Variants in GUSB observed in about 807,000 individuals in gnomAD.
GUSB encodes the protein beta-glucuronidase.
GUSB carries 51 observed loss-of-function variants against 74.6 expected under a neutral mutation model. That is an observed-to-expected ratio of 0.68 (90% CI 0.55 to 0.86). GUSB has a LOEUF of 0.86. Among genes scored for constraint, GUSB ranks in the 40% least tolerant of loss-of-function variants. The pLI is 0.00. For synonymous variants in GUSB, 360 were observed against 348.3 expected (o/e 1.03, Z -0.37); for missense variants, 736 against 853.7 (o/e 0.86, Z 1.72).
At chr7:65,975,105 C>T (rs934983711) in intron 5 of GUSB, 34 bp from the exon 6 acceptor site, 11 of 1,608,402 alleles carry the variant, frequency 6.8e-6, no homozygotes, top group Middle Eastern at 2.0e-4. Context: ...GTGAGCACCC[C>T]GACAGCCTGA....
At chr7:65,971,370 T>C (rs1791198908) in intron 8 of GUSB, among the ~76,000 whole-genome samples, 1 of 152,106 alleles carries the variant, frequency 6.6e-6, no homozygotes, top group South Asian at 2.1e-4. Flanking sequence ...TTTGGGAGTT[T>C]TACCAGAGAC....
chr7:65,982,062 A>G lies in GUSB; in HGVS notation c.122T>C (p.Leu41Pro). ...GGCGCGGAAGCTCCAGAGGCCGTCCAGCTCCTTGCACTCCCGCGACGGGCT... is the reference window on the plus strand; with the variant it reads ...GGCGCGGAAGCTCCAGAGGCCGTCCGGCTCCTTGCACTCCCGCGACGGGCT... ...QESPSRECKE[L>P]DGLWSFRADF... Residue 41 changes from leucine to proline, a missense_variant, in exon 1 of 12, where the codon CTG (leucine) becomes CCG (proline). Physicochemically the swap from Leu to Pro is moderately conservative, Grantham distance 98. This residue lies in a region of GUSB where 368 missense variants were observed against 363.8 expected (regional missense o/e 1.01). Transcript: ENST00000304895. The G allele has an allele frequency of 6.2e-7, 1 of 1,610,032 alleles. No individual in the cohort carries two copies. Among genetic ancestry groups the G allele is most frequent in the Non-Finnish European group, 8.5e-7 (1 of 1,178,932 alleles).
At chr7:65,980,960 A>G in intron 1 of GUSB, 1 of 202,384 alleles carries the variant, frequency 4.9e-6, no homozygotes, top group Non-Finnish European at 1.0e-5. Flanking sequence ...GCCTGATGTC[A>G]TGTCCTGTCC....
chr7:65,964,187 A>G (rs1173409099), intron 11 of GUSB, 136 bp downstream of exon 11: 3 of 870,606 alleles, frequency 3.4e-6, no homozygotes, highest in South Asian at 1.3e-5. Context: ...AAAATTCTCA[A>G]CGCAACCTAC....
At chr7:65,973,826 G>A (rs1791377672) in intron 8 of GUSB, among the ~76,000 whole-genome samples, 1 of 152,126 alleles carries the variant, frequency 6.6e-6, no homozygotes, top group Non-Finnish European at 1.5e-5. Context: ...AGCTACTTGG[G>A]AGGCTGAGAC....
rs1470408298 is a variant in GUSB, at chr7:65,971,051, C to A, written c.1392-685G>T. On this transcript the variant is annotated intron_variant, in intron 8 of 11. Coordinates refer to ENST00000304895, the MANE Select transcript of GUSB (RefSeq NM_000181.4). ...ACCCCCATCTCCGAATCCTATACCC[C>A]CAGAGGAGCAGCCACTCTTCCAGGT... 2.6e-5 allele frequency among the ~76,000 whole-genome samples: 4 copies of A among 152,146 alleles called. 1 individual carries two copies. Among genetic ancestry groups the A allele is most frequent in the African/African-American group, 9.7e-5 (4 of 41,426 alleles).
rs116487019 is a variant in GUSB, at chr7:65,969,736, G to A, written c.1476+546C>T. 1.9e-3 allele frequency among the ~76,000 whole-genome samples: 287 copies of A among 152,276 alleles called. 3 individuals are homozygous for A. Among genetic ancestry groups the A allele is most frequent in the African/African-American group, 6.7e-3 (277 of 41,556 alleles). ...AAAAACTCAAGTTCCAACCCTGGAC[G>A]TACTAAATCAGGACCTCAGAATGCA... is the stretch of plus-strand genomic sequence containing the variant. On this transcript the variant is annotated intron_variant, in intron 9 of 11. Transcript: ENST00000304895.
In GUSB at chr7:65,979,484, T is replaced by C; in HGVS notation, c.639A>G (p.Gly213=). 1 of 1,613,882 alleles carries C rather than the reference T, an allele frequency of 6.2e-7. No homozygotes were observed. The change falls in exon 4 of 12, where the codon GGA becomes GGG. Residue 213 remains glycine (G), a synonymous_variant. Coordinates refer to ENST00000304895, the MANE Select transcript of GUSB (RefSeq NM_000181.4). ...TGTACAGAAGTACAGACCGCTGCAGTCCAGCGTAGTTGAAAAAGTCAAAAT... is the reference window on the plus strand; with the variant it reads ...TGTACAGAAGTACAGACCGCTGCAGCCCAGCGTAGTTGAAAAAGTCAAAAT... The part of the protein sequence containing the change: ...NTYFDFFNYA[G]LQRSVLLYTT...
At chr7:65,980,185 G>GCGC in intron 2 of GUSB, 39 bp downstream of exon 2, 99 of 725,260 alleles carry the variant, frequency 1.4e-4, no homozygotes, top group South Asian at 5.2e-4. Flanking sequence ...CAGCAGCCGT[G>GCGC]CCCCCCCACC....
At position 65,981,142 on chromosome 7, in the gene GUSB, G is replaced by A. The variant is rs1373818461; in HGVS notation, c.211-733C>T. On this transcript the variant is annotated intron_variant, in intron 1 of 11. Coordinates refer to ENST00000304895, the MANE Select transcript of GUSB (RefSeq NM_000181.4). ...GTAATCAGCGCTTTGGGAGGTCAAC[G>A]TGGGAGGATGGCTTGAGGCCAGGAG... Among the ~76,000 whole-genome samples the A allele has an allele frequency of 3.9e-5, 6 of 152,030 alleles. 1 individual carries two copies. The highest frequency in any genetic ancestry group is 2.1e-4 in the South Asian group (1 of 4,826).
chr7:65,970,818 G>C (rs181678761), intron 8 of GUSB, among the ~76,000 whole-genome samples: 1 of 151,986 alleles, frequency 6.6e-6, no homozygotes, highest in Admixed American at 6.6e-5. Context: ...GAACCCAGAA[G>C]GAGGAGTCTG....
Position 65,960,697 on chromosome 7 carries a change from C to G in GUSB, c.*200G>C. On this transcript the variant is annotated 3_prime_UTR_variant, in exon 12 of 12. Transcript: ENST00000304895. ...GATTTCAGATGCTTTTCAGTAGCCA[C>G]TTTCATGCCAACTCTTTATTTCCAT... is the stretch of plus-strand genomic sequence containing the variant. 1.7e-6 allele frequency: 1 copy of G among 595,190 alleles called. No homozygotes were observed. Among genetic ancestry groups the G allele is most frequent in the South Asian group, 2.0e-5 (1 of 50,798 alleles). The allele number at this position is 595,190 out of a possible 1,614,324, so 36.9% of individuals were successfully genotyped here.
At chr7:65,978,613 A>G (rs1431418824) in intron 4 of GUSB, among the ~76,000 whole-genome samples, 1 of 151,438 alleles carries the variant, frequency 6.6e-6, no homozygotes, top group Non-Finnish European at 1.5e-5. Context: ...ACTAAAAAAA[A>G]ATAGAAAAAT....
Position 65,979,852 on chromosome 7 carries a change from G to T in GUSB, c.456C>A (p.Asp152Glu). The T allele has an allele frequency of 6.2e-7, 1 of 1,613,466 alleles. No homozygotes were observed. The highest frequency in any genetic ancestry group is 8.5e-7 in the Non-Finnish European group (1 of 1,179,882). The change falls in exon 3 of 12, where the codon GAC becomes GAA. Residue 152 changes from aspartate to glutamate, a missense_variant. This residue lies in a region of GUSB where 368 missense variants were observed against 363.8 expected (regional missense o/e 1.01). Transcript: ENST00000304895. ...HEGGYLPFEA[D>E]ISNLVQVGPL... Reference sequence around the variant, plus strand: ...GCCCCACCTGGACCAGGTTGCTGATGTCGGCCTCGAAGGGGAGGTAGCCCC... The same window carrying T: ...GCCCCACCTGGACCAGGTTGCTGATTTCGGCCTCGAAGGGGAGGTAGCCCC...
At chr7:65,964,064 G>A (rs141149199) in intron 11 of GUSB, 6,347 of 495,346 alleles carry the variant, frequency 0.013, 64 homozygotes, top group Non-Finnish European at 0.018. Context: ...GAAAAGGCAA[G>A]CCAGCCATTT....
intron 10 of GUSB, among the ~76,000 whole-genome samples, chr7:65,965,898 C>T (rs781024385): frequency 2.6e-4 from 40 of 151,556 alleles, no homozygotes; most frequent in Non-Finnish European, 2.5e-4. Flanking sequence ...GGGCTTGGCA[C>T]GGTGGCTCAT....
At chr7:65,961,573 A>G (rs749569562) in intron 11 of GUSB, among the ~76,000 whole-genome samples, 2 of 152,214 alleles carry the variant, frequency 1.3e-5, no homozygotes, top group Non-Finnish European at 2.9e-5. Context: ...TTAGGGGAAA[A>G]AAACCCAAAA....
chr7:65,964,974 T>C (rs1467861790), intron 10 of GUSB, among the ~76,000 whole-genome samples: 1 of 151,976 alleles, frequency 6.6e-6, no homozygotes, highest in African/African-American at 2.4e-5. Flanking sequence ...GAGGCTGAGG[T>C]TGGAGGACTG....
chr7:65,982,017 C>T lies in GUSB; in HGVS notation c.167G>A (p.Arg56His), dbSNP rs1054814629. 6 of 1,610,112 alleles carry T rather than the reference C, an allele frequency of 3.7e-6. No individual in the cohort carries two copies. The highest frequency in any genetic ancestry group is 5.1e-6 in the Non-Finnish European group (6 of 1,179,376). Residue 56 changes from arginine to histidine, a missense_variant, in exon 1 of 12, where the codon CGC becomes CAC. This residue lies in a region of GUSB where 368 missense variants were observed against 363.8 expected (regional missense o/e 1.01). Transcript: ENST00000304895. ...GTACCACTGCTCCTCGAAGCCCCGG[C>T]GTCGGTTGTCAGAGAAGTCGGCGCG... ...SFRADFSDNR[R>H]RGFEEQWYRR...
Sources: allele counts gnomAD v4.1 joint callset (sites outside exome capture counted in the v4.1 genomes callset), GRCh38; gene constraint gnomAD v4.1.1; regional missense constraint gnomAD v4.1.1; transcripts MANE v1.5; gene names NCBI Gene and HGNC (gene_info 2026-07-23, HGNC 2026-07-21).